The following ZNF385D variants were observed in gnomAD, a reference collection of about 807,000 sequenced individuals.
ZNF385D encodes zinc finger protein 385D.
A neutral mutation model predicts 35.8 loss-of-function variants in ZNF385D; 15 were observed. The observed-to-expected ratio is 0.42, with a 90% CI of 0.28 to 0.64. The LOEUF (loss-of-function observed/expected upper bound fraction) is 0.64, where lower values mean the gene tolerates loss of function less well. Ranked by LOEUF, ZNF385D falls within the 30% of genes least tolerant of loss-of-function variation. The probability of loss-of-function intolerance (pLI) is 0.23; values close to 1 mark genes in which losing one functional copy is unlikely to be tolerated. For synonymous variants in ZNF385D, 212 were observed against 186.8 expected, an observed-to-expected ratio of 1.13 and a Z score of -1.10; for missense variants, 474 against 494.6, an observed-to-expected ratio of 0.96 and a Z score of 0.39.
At chr3:22,097,035 G>C (rs1701670205) in intron 3 of ZNF385D, among the ~76,000 whole-genome samples, 2 of 152,056 alleles carry the variant, frequency 1.3e-5, no homozygotes, top group African/African-American at 4.8e-5. Flanking sequence ...TCCACAAGGA[G>C]AGGATCTCTA....
intron 3 of ZNF385D, among the ~76,000 whole-genome samples, chr3:22,027,158 A>G (rs1697610943): frequency 6.6e-6 from 1 of 152,176 alleles, no homozygotes; most frequent in Non-Finnish European, 1.5e-5. Context: ...TTCTAAGGTG[A>G]AGGATAAGTT....
chr3:21,414,198 CAAAACAAAACAAAACAAAACA>C lies in ZNF385D; in HGVS notation c.*6995_*7015del, dbSNP rs1259826719. On this transcript the variant is annotated 3_prime_UTR_variant, in exon 8 of 8. Transcript: ENST00000281523. ...ATTGCTGTGGATTTACAAAACAAAA[CAAAACAAAACAAAACAAAACA>C]AAAAAAAGTTCAGTTAGGAGACCTT... 3.6e-5 allele frequency: 4 copies of C among 112,530 alleles called. No individual in the cohort carries two copies. The highest frequency in any genetic ancestry group is 5.9e-4 in the South Asian group (2 of 3,362). The allele number at this position is 112,530 out of a possible 1,614,324, so 7.0% of individuals were successfully genotyped here. A position where few individuals can be genotyped will look rare whatever the true frequency, so the allele number is the denominator to read the frequency against.
intron 3 of ZNF385D, among the ~76,000 whole-genome samples, chr3:21,533,771 T>A (rs1393483708): frequency 6.6e-6 from 1 of 152,114 alleles, no homozygotes; most frequent in Non-Finnish European, 1.5e-5. Flanking sequence ...AAAAGACTAT[T>A]TGATGGACAT....
chr3:21,825,256 C>T (rs901762214), intron 3 of ZNF385D, among the ~76,000 whole-genome samples: 9 of 152,094 alleles, frequency 5.9e-5, no homozygotes, highest in African/African-American at 1.9e-4. Context: ...GGTGAAACCC[C>T]CTTGGCTCTA....
chr3:21,946,180 T>G (rs2125286568), intron 3 of ZNF385D, among the ~76,000 whole-genome samples: 1 of 152,324 alleles, frequency 6.6e-6, no homozygotes, highest in Non-Finnish European at 1.5e-5. Context: ...TGATTTTTCT[T>G]TTAAAGAGAA....
rs534852783 is a variant in ZNF385D at position 22,113,302 on chromosome 3, C to G, written c.325+55515G>C. Among the ~76,000 whole-genome samples, 7 of 152,124 alleles carry G rather than the reference C, an allele frequency of 4.6e-5. No homozygotes were observed. In the East Asian group the frequency reaches 9.7e-4, roughly 21 times the overall value. ...TTTAACATGAAGATAATAGGTAATG[C>G]TGAAACACCAAGGAAAGCAGGCTTT... is the stretch of plus-strand genomic sequence containing the variant. On this transcript the variant is annotated intron_variant, in intron 3 of 5. Coordinates refer to the ZNF385D transcript ENST00000494108.
At chr3:22,316,766 A>G (rs9883992) in intron 2 of ZNF385D, among the ~76,000 whole-genome samples, 35,246 of 152,126 alleles carry the variant, frequency 0.23, 4,624 homozygotes, top group Non-Finnish European at 0.31. Flanking sequence ...GTCAGCTTTT[A>G]GTGTTTGAAA....
At chr3:21,626,310 A>G (rs1334913643) in intron 2 of ZNF385D, among the ~76,000 whole-genome samples, 1 of 152,122 alleles carries the variant, frequency 6.6e-6, no homozygotes, top group Non-Finnish European at 1.5e-5. Flanking sequence ...GAGAGCTGCT[A>G]CTGTGCCAGA....
At chr3:21,716,494 C>A (rs1030904721) in intron 1 of ZNF385D, among the ~76,000 whole-genome samples, 1 of 152,120 alleles carries the variant, frequency 6.6e-6, no homozygotes, top group African/African-American at 2.4e-5. Context: ...CTCTGACATA[C>A]CAGAGACAGT....
chr3:22,020,359 A>T (rs1054201019), intron 3 of ZNF385D, among the ~76,000 whole-genome samples: 8 of 151,848 alleles, frequency 5.3e-5, no homozygotes, highest in Non-Finnish European at 1.0e-4. Context: ...TTATTTTTAA[A>T]TTTTTTCTTT....
At chr3:21,508,511 C>G (rs868638533) in intron 4 of ZNF385D, among the ~76,000 whole-genome samples, 1 of 152,012 alleles carries the variant, frequency 6.6e-6, no homozygotes, top group East Asian at 1.9e-4. Context: ...ACTGCCTCCC[C>G]CTTCCAATTA....
chr3:21,979,831 G>A (rs996608350), intron 3 of ZNF385D: 1 of 152,154 alleles, frequency 6.6e-6, no homozygotes, highest in Admixed American at 6.6e-5. Context: ...TCAAAACATT[G>A]TATGAGCATT....
intron 3 of ZNF385D, among the ~76,000 whole-genome samples, chr3:22,082,733 C>T (rs935691606): frequency 6.6e-6 from 1 of 152,194 alleles, no homozygotes; most frequent in African/African-American, 2.4e-5. Flanking sequence ...GCTCGGAGAA[C>T]AAACAGACTG....
At chr3:21,858,756 C>T (rs1386699703) in intron 3 of ZNF385D, among the ~76,000 whole-genome samples, 1 of 152,084 alleles carries the variant, frequency 6.6e-6, no homozygotes, top group African/African-American at 2.4e-5. Flanking sequence ...ATTGGATATC[C>T]ATGTTCCCGA....
chr3:21,987,324 G>A lies in ZNF385D; in HGVS notation c.325+181493C>T, dbSNP rs1469073907. Among the ~76,000 whole-genome samples the A allele has an allele frequency of 4.6e-5, 6 of 129,752 alleles. 1 individual carries two copies. Among genetic ancestry groups the A allele is most frequent in the Non-Finnish European group, 9.3e-5 (6 of 64,562 alleles). The allele number at this position is 129,752 out of a possible 152,430, so 85.1% of individuals were successfully genotyped here. ...GCTGGTACCGGTTGTTCCTTTCCAT[G>A]TTTAGTGCTTCCTTCAGGAGCTCTT... On this transcript the variant is annotated intron_variant, in intron 3 of 5. Transcript: ENST00000494108.
intron 3 of ZNF385D, among the ~76,000 whole-genome samples, chr3:21,969,381 T>A (rs1003572779): frequency 2.0e-5 from 3 of 152,152 alleles, no homozygotes; most frequent in Admixed American, 2.0e-4. Flanking sequence ...GATGGTTTTA[T>A]AAGGGGCTCA....
At position 21,746,502 on chromosome 3, in the gene ZNF385D, T is replaced by C. The variant is rs141194800; in HGVS notation, c.22+4393A>G. Among the ~76,000 whole-genome samples the C allele has an allele frequency of 4.6e-3, 705 of 152,350 alleles. 9 individuals carry two copies. The highest frequency in any genetic ancestry group is 0.016 in the African/African-American group (679 of 41,578). On this transcript the variant is annotated intron_variant, in intron 1 of 7. Coordinates refer to ENST00000281523, the MANE Select transcript of ZNF385D (RefSeq NM_024697.3). ...GGTTCTTATTCATGACCCTTTCTGA[T>C]AGTATTCACCTGTTAACATTCTCCA...
At chr3:21,458,458 G>A (rs421922) in intron 4 of ZNF385D, among the ~76,000 whole-genome samples, 25,733 of 151,612 alleles carry the variant, frequency 0.17, 2,332 homozygotes, top group Non-Finnish European at 0.2. Flanking sequence ...CTCCAGCCTG[G>A]GTGACAGAGA....
chr3:22,203,222 G>A (rs928251845), intron 2 of ZNF385D, among the ~76,000 whole-genome samples: 1 of 152,096 alleles, frequency 6.6e-6, no homozygotes, highest in Non-Finnish European at 1.5e-5. Context: ...ATAGGGCAAT[G>A]GGCAGAGATG....
Sources: allele counts gnomAD v4.1 joint callset (sites outside exome capture counted in the v4.1 genomes callset), GRCh38; gene constraint gnomAD v4.1.1; transcripts MANE v1.5; gene names NCBI Gene and HGNC (gene_info 2026-07-23, HGNC 2026-07-21).